The following BABAM2 variants were observed in gnomAD, a reference collection of about 807,000 sequenced individuals.
The protein encoded by BABAM2 is BRISC and BRCA1-A complex member 2.
Under a neutral mutation model 54.7 loss-of-function variants are expected in BABAM2, and 31 were observed. That is an observed-to-expected ratio of 0.57 (90% CI 0.43 to 0.77). BABAM2 has a LOEUF of 0.77. Among genes scored for constraint, BABAM2 ranks in the 30% least tolerant of loss-of-function variants. BABAM2 has a pLI of 0.00. For missense variants in BABAM2, 364 were observed against 455.8 expected, an observed-to-expected ratio of 0.80 and a Z score of 1.83; for synonymous variants, 167 against 162.9, an observed-to-expected ratio of 1.03 and a Z score of -0.19.
chr2:28,307,151 C>T (rs978435002), intron 11 of BABAM2, among the ~76,000 whole-genome samples: 21 of 151,386 alleles, frequency 1.4e-4, no homozygotes, highest in African/African-American at 4.4e-4. Context: ...GGACTATAGG[C>T]GCACACCACC....
intron 10 of BABAM2, among the ~76,000 whole-genome samples, chr2:28,266,348 G>A (rs1329442318): frequency 3.3e-5 from 5 of 152,152 alleles, no homozygotes; most frequent in East Asian, 3.8e-4. Flanking sequence ...CCTGCAGCAA[G>A]TGCTTTTGAT....
chr2:28,148,973 T>C (rs1353864982), intron 7 of BABAM2, among the ~76,000 whole-genome samples: 2 of 152,156 alleles, frequency 1.3e-5, no homozygotes, highest in African/African-American at 2.4e-5. Context: ...TCAAACTGGG[T>C]GTGGGGCTTG....
At chr2:28,260,190 C>T (rs1416179552) in intron 10 of BABAM2, among the ~76,000 whole-genome samples, 1 of 152,056 alleles carries the variant, frequency 6.6e-6, no homozygotes, top group Non-Finnish European at 1.5e-5. Flanking sequence ...GCCACCACAC[C>T]CAGCCTTCTG....
intron 2 of BABAM2, among the ~76,000 whole-genome samples, chr2:27,917,278 A>G (rs1667048430): frequency 6.6e-6 from 1 of 152,032 alleles, no homozygotes; most frequent in Non-Finnish European, 1.5e-5. Flanking sequence ...ATCCTCCCAA[A>G]ATGGTGGAAT....
chr2:28,335,154 CTTTTTTTTT>C (rs56135926), intron 11 of BABAM2, among the ~76,000 whole-genome samples: 49 of 71,518 alleles, frequency 6.9e-4, no homozygotes, highest in African/African-American at 2.7e-3. Flanking sequence ...CTCCCACCTT[CTTTTTTTTT>C]TTTTTTTTTT....
At chr2:28,142,666 C>T (rs1237429172) in intron 7 of BABAM2, among the ~76,000 whole-genome samples, 1 of 151,962 alleles carries the variant, frequency 6.6e-6, no homozygotes, top group African/African-American at 2.4e-5. Context: ...AGTTTATGAC[C>T]AAATGGTGAT....
chr2:28,079,859 G>A (rs1006117180), intron 6 of BABAM2, among the ~76,000 whole-genome samples: 6 of 151,998 alleles, frequency 3.9e-5, no homozygotes, highest in East Asian at 3.9e-4. Context: ...TGAAAAAGCC[G>A]GAATTATCTT....
intron 3 of BABAM2, among the ~76,000 whole-genome samples, chr2:27,978,475 CT>C (rs1573313048): frequency 2.6e-5 from 4 of 152,292 alleles, no homozygotes; most frequent in African/African-American, 9.6e-5. Flanking sequence ...CTTGAACTTA[CT>C]TTTTGTTGAG....
At chr2:28,093,339 C>A (rs1366133065) in intron 6 of BABAM2, among the ~76,000 whole-genome samples, 2 of 152,116 alleles carry the variant, frequency 1.3e-5, no homozygotes, top group Non-Finnish European at 2.9e-5. Context: ...AAGTTAAACT[C>A]TTGCTCAGAG....
intron 8 of BABAM2, among the ~76,000 whole-genome samples, chr2:28,237,503 G>A (rs1024599322): frequency 6.6e-6 from 1 of 152,112 alleles, no homozygotes; most frequent in South Asian, 2.1e-4. Context: ...CCTTTTCTAA[G>A]GATTCTGACC....
chr2:28,230,113 T>C lies in BABAM2; in HGVS notation c.681-7089T>C, dbSNP rs549507470. On this transcript the variant is annotated intron_variant, in intron 7 of 11. Transcript: ENST00000379624. ...CTTACTTACAGCTATAAAGTGTGTT[T>C]AGTAGAAATATTAGATTAGTCACAA... Among the ~76,000 whole-genome samples, 14 of 152,328 alleles carry C rather than the reference T, an allele frequency of 9.2e-5. No homozygotes were observed. The East Asian group carries it at 2.5e-3, about 27-fold the overall frequency.
At chr2:28,088,089 GT>G (rs1665832449) in intron 6 of BABAM2, among the ~76,000 whole-genome samples, 1 of 152,124 alleles carries the variant, frequency 6.6e-6, no homozygotes, top group African/African-American at 2.4e-5. Flanking sequence ...TCTAAATTTT[GT>G]TTATGTGAAC....
chr2:28,018,957 C>A (rs1439788079), intron 4 of BABAM2, among the ~76,000 whole-genome samples: 2 of 152,038 alleles, frequency 1.3e-5, no homozygotes, highest in African/African-American at 4.8e-5. Flanking sequence ...AGGTTTTAAG[C>A]CCCACATGCA....
chr2:28,200,004 T>G (rs1000348745), intron 7 of BABAM2, among the ~76,000 whole-genome samples: 1 of 152,226 alleles, frequency 6.6e-6, no homozygotes, highest in Non-Finnish European at 1.5e-5. Context: ...CAGTTAGCAC[T>G]TGTATCTTTT....
chr2:28,132,314 A>G (rs540933272), intron 7 of BABAM2, among the ~76,000 whole-genome samples: 6 of 151,550 alleles, frequency 4.0e-5, no homozygotes, highest in African/African-American at 1.5e-4. Flanking sequence ...AATTTTTTGT[A>G]TTTTTAGTAG....
At chr2:28,335,151 CTTCT>C in intron 11 of BABAM2, among the ~76,000 whole-genome samples, 1 of 115,748 alleles carries the variant, frequency 8.6e-6, no homozygotes, top group Non-Finnish European at 1.6e-5. Context: ...TCTCTCCCAC[CTTCT>C]TTTTTTTTTT....
Position 28,298,506 on chromosome 2 carries a change from C to T in BABAM2, c.1088+15C>T, listed in dbSNP as rs1687871453. 2 of 1,613,842 alleles carry T rather than the reference C, an allele frequency of 1.2e-6. No individual in the cohort carries two copies. The highest frequency in any genetic ancestry group is 8.5e-7 in the Non-Finnish European group (1 of 1,179,888). ...AAAAGAGCAAAGTAAGTGAATCTGT[C>T]GTTATTTCCAACAGGTAAGAGCATT... is the stretch of plus-strand genomic sequence containing the variant. On this transcript the variant is annotated intron_variant, in intron 11 of 11. Transcript: ENST00000379624.
intron 10 of BABAM2, among the ~76,000 whole-genome samples, chr2:28,254,892 C>A (rs1683837794): frequency 6.6e-6 from 1 of 151,802 alleles, no homozygotes; most frequent in Admixed American, 6.6e-5. Context: ...CACCACCATG[C>A]CAGCTAATTT....
chr2:28,174,252 G>A (rs896075108), intron 7 of BABAM2, among the ~76,000 whole-genome samples: 3 of 152,168 alleles, frequency 2.0e-5, no homozygotes, highest in African/African-American at 7.2e-5. Flanking sequence ...TTAAACAAAG[G>A]TGATATAGCA....
Sources: allele counts gnomAD v4.1 joint callset (sites outside exome capture counted in the v4.1 genomes callset), GRCh38; gene constraint gnomAD v4.1.1; transcripts MANE v1.5; gene names NCBI Gene and HGNC (gene_info 2026-07-23, HGNC 2026-07-21).